THAP4: variants seen among roughly 807,000 people sequenced by gnomAD.
THAP4 encodes peroxynitrite isomerase THAP4.
In THAP4, 18 loss-of-function variants were observed where a neutral mutation model predicts 48.1. The observed-to-expected ratio is 0.37, with a 90% confidence interval of 0.26 to 0.56. THAP4 has a LOEUF of 0.56. THAP4 is among the 20% of genes least tolerant of loss of function. The pLI is 0.78. For synonymous variants in THAP4, 345 were observed against 324.9 expected (o/e 1.06, Z -0.66); for missense variants, 656 against 774.9 (o/e 0.85, Z 1.82).
chr2:241,621,733 G>A (rs1176857758), intron 2 of THAP4, among the ~76,000 whole-genome samples: 4 of 152,146 alleles, frequency 2.6e-5, no homozygotes, highest in Admixed American at 2.6e-4. Context: ...ATAGTTCAGA[G>A]TTTTCCAAAA....
chr2:241,616,645 TTTC>T lies in THAP4; in HGVS notation c.1241-10175_1241-10173del, dbSNP rs1298060419. 1.3e-5 allele frequency among the ~76,000 whole-genome samples: 2 copies of T among 152,144 alleles called. No individual in the cohort carries two copies. Among genetic ancestry groups the T allele is most frequent in the African/African-American group, 4.8e-5 (2 of 41,410 alleles). On this transcript the variant is annotated intron_variant, in intron 2 of 5. Transcript: ENST00000407315. The surrounding 1 kb of genome is among the most constrained non-coding windows in gnomAD (Gnocchi z 4.6). Reference sequence around the variant, plus strand: ...ACAGGACGCAGCACTTATGTGGCAATTTCTTTTTAAAAAACTAGAGAATTCTAA... The same window carrying T: ...ACAGGACGCAGCACTTATGTGGCAATTTTTTAAAAAACTAGAGAATTCTAA...
At chr2:241,606,048 C>T (rs2067179571) in intron 3 of THAP4, among the ~76,000 whole-genome samples, 1 of 152,144 alleles carries the variant, frequency 6.6e-6, no homozygotes, top group Non-Finnish European at 1.5e-5. Flanking sequence ...TAAGTACATG[C>T]ATTTGTTTTT....
chr2:241,609,222 G>A (rs1002758152), intron 2 of THAP4, among the ~76,000 whole-genome samples: 11 of 152,366 alleles, frequency 7.2e-5, no homozygotes, highest in East Asian at 3.9e-4. Context: ...AGAGCCACCC[G>A]GATGTGCTGA....
chr2:241,616,043 G>A lies in THAP4; in HGVS notation c.1241-9570C>T, dbSNP rs897014770. Among the ~76,000 whole-genome samples the A allele has an allele frequency of 1.3e-5, 2 of 152,182 alleles. No individual in the cohort carries two copies. The highest frequency in any genetic ancestry group is 2.9e-5 in the Non-Finnish European group (2 of 68,024). On this transcript the variant is annotated intron_variant, in intron 2 of 5. Transcript: ENST00000407315. This position sits in a 1 kb window ranked among gnomAD's most constrained non-coding sequence, Gnocchi z 4.6. The stretch of plus-strand genomic sequence containing the variant: ...CAGAGCCCCTGCCACAAGACGCCTG[G>A]GAGAACTCAGTCAGGGGGCTGGCAA...
chr2:241,605,443 A>C (rs2067169921), intron 3 of THAP4, among the ~76,000 whole-genome samples: 1 of 152,240 alleles, frequency 6.6e-6, no homozygotes, highest in Non-Finnish European at 1.5e-5. Context: ...TATAATTAAA[A>C]AATAAAGATA....
chr2:241,594,532 C>T (rs2067025347), intron 5 of THAP4: 1 of 291,094 alleles, frequency 3.4e-6, no homozygotes, highest in Admixed American at 3.2e-5. Context: ...CAAGACCTGC[C>T]TGGGCAATGT....
At chr2:241,591,370 C>T (rs1575017542) in intron 5 of THAP4, among the ~76,000 whole-genome samples, 1 of 152,240 alleles carries the variant, frequency 6.6e-6, no homozygotes, top group Non-Finnish European at 1.5e-5. Context: ...TCAGTCTTGA[C>T]TGGCGCAGCG....
rs1004980148 is a variant in THAP4 at position 241,633,018 on chromosome 2, A to C, written c.1139T>G (p.Val380Gly). The C allele has an allele frequency of 6.2e-7, 1 of 1,613,658 alleles. No individual in the cohort carries two copies. Among genetic ancestry groups the C allele is most frequent in the Admixed American group, 1.7e-5 (1 of 60,010 alleles). The change falls in exon 2 of 6, where the codon GTC becomes GGC. Residue 380 changes from valine (V) to glycine (G), a missense_variant. Transcript: ENST00000407315. This position sits in a 1 kb window ranked among gnomAD's most constrained non-coding sequence, Gnocchi z 7.5. The part of the protein sequence containing the change: ...NGELKSLRQR[V>G]SRSDSQVRKL... ...CCGCACCTGGCTGTCGGAGCGGCTG[A>C]CCCTCTGCCGCAGGCTCTTCAGCTC...
chr2:241,609,543 T>C (rs181521140), intron 2 of THAP4, among the ~76,000 whole-genome samples: 2 of 152,194 alleles, frequency 1.3e-5, no homozygotes, highest in Non-Finnish European at 1.5e-5. Flanking sequence ...TCCCAGCACT[T>C]TGGGATGCCG....
chr2:241,633,810 G>C lies in THAP4; in HGVS notation c.347C>G (p.Ser116Trp), dbSNP rs773405275. ...SKATGGVRGH[S>W]SAATSRGAAG... ...AGCTCCTCTGCTGGTGGCGGCACTC[G>C]AGTGTCCCCTCACACCCCCTGTGGC... The change falls in exon 2 of 6, where the codon TCG becomes TGG. Residue 116 changes from serine to tryptophan, a missense_variant. Ser to Trp is a radical substitution (Grantham distance 177). Coordinates refer to ENST00000407315, the MANE Select transcript of THAP4 (RefSeq NM_015963.6). The surrounding 1 kb of genome is among the most constrained non-coding windows in gnomAD (Gnocchi z 7.5). The C allele has an allele frequency of 3.7e-6, 6 of 1,613,620 alleles. No individual in the cohort carries two copies. The highest frequency in any genetic ancestry group is 4.2e-6 in the Non-Finnish European group (5 of 1,179,744).
intron 2 of THAP4, among the ~76,000 whole-genome samples, chr2:241,620,294 T>A (rs1160468997): frequency 2.7e-5 from 1 of 36,866 alleles, no homozygotes; most frequent in Non-Finnish European, 5.0e-5. Flanking sequence ...GAGTGAGGGG[T>A]GAGTGAGTCG....
intron 2 of THAP4, among the ~76,000 whole-genome samples, chr2:241,613,520 G>A (rs1379033413): frequency 1.3e-5 from 2 of 152,156 alleles, no homozygotes; most frequent in African/African-American, 4.8e-5. Context: ...TTGGGAGGCC[G>A]AGGAGGGTGG....
At chr2:241,595,002 G>C (rs932794373) in intron 5 of THAP4, among the ~76,000 whole-genome samples, 6 of 152,130 alleles carry the variant, frequency 3.9e-5, no homozygotes, top group African/African-American at 1.2e-4. Flanking sequence ...GATCTGAATA[G>C]TATGTGAAGA....
At chr2:241,604,850 G>A (rs1209537545) in intron 3 of THAP4, among the ~76,000 whole-genome samples, 2 of 152,060 alleles carry the variant, frequency 1.3e-5, no homozygotes, top group Non-Finnish European at 2.9e-5. Context: ...GAGCCACCGC[G>A]CTGGGCCAAG....
intron 2 of THAP4, among the ~76,000 whole-genome samples, chr2:241,632,205 G>T (rs1333774877): frequency 6.6e-6 from 1 of 152,154 alleles, no homozygotes; most frequent in South Asian, 2.1e-4. Flanking sequence ...CAATCCACCT[G>T]CCCCAGCCTC....
chr2:241,626,267 C>T (rs1438062305), intron 2 of THAP4, among the ~76,000 whole-genome samples: 1 of 152,026 alleles, frequency 6.6e-6, no homozygotes, highest in Admixed American at 6.6e-5. Context: ...ATGGTGAAAT[C>T]CCATCTCTAC....
At chr2:241,637,419 C>G, upstream of THAP4, 1 of 1,459,086 alleles carries the variant, frequency 6.9e-7, no homozygotes. Context: ...GACAACTGCT[C>G]CTGGGTCCTC....
intron 5 of THAP4, among the ~76,000 whole-genome samples, chr2:241,588,293 G>A (rs904338575): frequency 3.3e-5 from 5 of 152,194 alleles, no homozygotes; most frequent in African/African-American, 1.2e-4. Context: ...GGATGAGACT[G>A]ATCTAAATAA....
chr2:241,611,389 A>G (rs1450003667), intron 2 of THAP4, among the ~76,000 whole-genome samples: 1 of 151,968 alleles, frequency 6.6e-6, no homozygotes, highest in Non-Finnish European at 1.5e-5. Context: ...AGGGTTACCC[A>G]CCACCCGCCA....
Sources: allele counts gnomAD v4.1 joint callset (sites outside exome capture counted in the v4.1 genomes callset), GRCh38; gene constraint gnomAD v4.1.1; non-coding constraint Gnocchi (gnomAD v3.1); transcripts MANE v1.5; gene names NCBI Gene and HGNC (gene_info 2026-07-23, HGNC 2026-07-21).